The following MAST2 variants were observed in gnomAD, a reference collection of about 807,000 sequenced individuals.
MAST2 encodes microtubule-associated serine/threonine-protein kinase 2.
A neutral mutation model predicts 147.4 loss-of-function variants in MAST2; 70 were observed. That is an observed-to-expected ratio of 0.47 (90% CI 0.39 to 0.58). MAST2 has a LOEUF of 0.58. Ranked by LOEUF, MAST2 falls within the 20% of genes least tolerant of loss-of-function variation. MAST2 has a pLI of 0.00. For synonymous variants in MAST2, 869 were observed against 896.8 expected (o/e 0.97, Z 0.55); for missense variants, 2,080 against 2,302.3 (o/e 0.90, Z 1.98).
At chr1:45,966,737 A>G (rs1661270574) in intron 5 of MAST2, among the ~76,000 whole-genome samples, 1 of 152,096 alleles carries the variant, frequency 6.6e-6, no homozygotes, top group Non-Finnish European at 1.5e-5. Context: ...AAGAAAAAGA[A>G]AAACTCCCAG....
intron 3 of MAST2, among the ~76,000 whole-genome samples, chr1:45,837,905 AG>A: frequency 6.6e-6 from 1 of 152,094 alleles, no homozygotes. Context: ...CAGCCTCTCA[AG>A]TAGCTGAAAT....
chr1:45,998,841 C>T (rs888317600), intron 6 of MAST2, among the ~76,000 whole-genome samples: 1 of 151,998 alleles, frequency 6.6e-6, no homozygotes, highest in Non-Finnish European at 1.5e-5. Context: ...CATTCTCCTG[C>T]CTCAGCCTCC....
At chr1:45,910,416 A>G (rs1210470394) in intron 4 of MAST2, among the ~76,000 whole-genome samples, 1 of 152,220 alleles carries the variant, frequency 6.6e-6, no homozygotes, top group African/African-American at 2.4e-5. Flanking sequence ...TTGTAAGTAC[A>G]TATTTTTATA....
chr1:45,939,856 A>G (rs1037023499), intron 4 of MAST2, among the ~76,000 whole-genome samples: 6 of 151,956 alleles, frequency 3.9e-5, no homozygotes, highest in Admixed American at 2.6e-4. Context: ...TTCAATTTCT[A>G]CAAAAGACCT....
At chr1:45,843,652 G>C (rs746486591) in intron 3 of MAST2, among the ~76,000 whole-genome samples, 1 of 152,164 alleles carries the variant, frequency 6.6e-6, no homozygotes, top group Non-Finnish European at 1.5e-5. Flanking sequence ...TGAAAGGATA[G>C]ATAATGTTAG....
At chr1:45,960,712 A>G (rs1452818908) in intron 5 of MAST2, among the ~76,000 whole-genome samples, 2 of 152,018 alleles carry the variant, frequency 1.3e-5, no homozygotes, top group African/African-American at 4.8e-5. Flanking sequence ...TCATTGCTAC[A>G]CTCTTTATAA....
chr1:45,966,434 A>C (rs894585398), intron 5 of MAST2, among the ~76,000 whole-genome samples: 251 of 152,198 alleles, frequency 1.6e-3, no homozygotes, highest in Non-Finnish European at 1.9e-3. Context: ...AAAAAAAAAA[A>C]AAAAAAAACT....
At chr1:45,909,873 T>C (rs1025347722) in intron 4 of MAST2, among the ~76,000 whole-genome samples, 33 of 152,066 alleles carry the variant, frequency 2.2e-4, no homozygotes, top group African/African-American at 7.5e-4. Flanking sequence ...AGTGCAGTGG[T>C]GCCGTCTCGG....
intron 1 of MAST2, among the ~76,000 whole-genome samples, chr1:45,814,616 G>A (rs1027664144): frequency 6.6e-6 from 1 of 152,038 alleles, no homozygotes; most frequent in East Asian, 1.9e-4. Context: ...GCAAAACCCC[G>A]TCACTACTAA....
chr1:45,940,247 C>T (rs897208591), intron 4 of MAST2, among the ~76,000 whole-genome samples: 4 of 152,134 alleles, frequency 2.6e-5, no homozygotes, highest in Admixed American at 1.3e-4. Flanking sequence ...CCCGCCTCGG[C>T]CTCCCAAAGT....
chr1:45,992,532 A>C (rs1644891669), intron 5 of MAST2, among the ~76,000 whole-genome samples: 1 of 152,280 alleles, frequency 6.6e-6, no homozygotes, highest in South Asian at 2.1e-4. Context: ...TGGGTAATAG[A>C]GTAATACTGG....
Position 46,035,631 on chromosome 1 carries a change from C to T in MAST2, c.4962C>T (p.Ser1654=), listed in dbSNP as rs763460937. 1 of 1,613,956 alleles carries T rather than the reference C, an allele frequency of 6.2e-7. No individual in the cohort carries two copies. Among genetic ancestry groups the T allele is most frequent in the East Asian group, 2.2e-5 (1 of 44,842 alleles). Residue 1654 remains serine, a synonymous_variant, in exon 29 of 29, where the codon AGC becomes AGT. Transcript: ENST00000361297. The surrounding 1 kb of genome is among the most constrained non-coding windows in gnomAD (Gnocchi z 5.5). ...SPPSSTSGKL[S]MWSWKSLIEG... is the part of the protein sequence containing the mutation. ...CCAGCTCCACCTCTGGGAAGCTGAG[C>T]ATGTGGTCCTGGAAATCCCTTATTG...
At chr1:45,914,517 A>G (rs1652167245) in intron 4 of MAST2, among the ~76,000 whole-genome samples, 1 of 152,228 alleles carries the variant, frequency 6.6e-6, no homozygotes, top group Admixed American at 6.5e-5. Flanking sequence ...AGAACCAGTG[A>G]AAGAAGAGAC....
intron 5 of MAST2, among the ~76,000 whole-genome samples, chr1:45,996,591 A>T (rs946531911): frequency 1.3e-5 from 2 of 152,108 alleles, no homozygotes; most frequent in African/African-American, 4.8e-5. Flanking sequence ...TATTTTATGC[A>T]CCTGGGGGTG....
At chr1:45,929,300 G>C (rs1654902557) in intron 4 of MAST2, among the ~76,000 whole-genome samples, 1 of 152,074 alleles carries the variant, frequency 6.6e-6, no homozygotes, top group Non-Finnish European at 1.5e-5. Context: ...TCAGCCTAAA[G>C]CCTGAGTGTC....
intron 4 of MAST2, among the ~76,000 whole-genome samples, chr1:45,941,715 T>A (rs1354333862): frequency 6.6e-6 from 1 of 152,228 alleles, no homozygotes; most frequent in East Asian, 1.9e-4. Context: ...TTGCACTGGC[T>A]AGAACCTCTA....
chr1:46,013,688 A>T (rs1238770544), intron 10 of MAST2, among the ~76,000 whole-genome samples: 2 of 152,088 alleles, frequency 1.3e-5, no homozygotes, highest in Non-Finnish European at 2.9e-5. Flanking sequence ...CTCAAAAAAA[A>T]AAAAAAGAAA....
At chr1:45,968,779 TA>T (rs1643755000) in intron 5 of MAST2, among the ~76,000 whole-genome samples, 2 of 152,040 alleles carry the variant, frequency 1.3e-5, no homozygotes, top group Non-Finnish European at 2.9e-5. Flanking sequence ...TTGCTTCAAA[TA>T]ATTCCCTTCC....
intron 4 of MAST2, among the ~76,000 whole-genome samples, chr1:45,939,717 T>C (rs1193797208): frequency 6.6e-6 from 1 of 152,096 alleles, no homozygotes; most frequent in East Asian, 1.9e-4. Context: ...TTTTTTTGTA[T>C]TTTTCCTAGA....
Sources: gnomAD v4.1 joint callset for allele counts (sites outside exome capture counted in the v4.1 genomes callset) on GRCh38, gnomAD v4.1.1 for gene constraint, Gnocchi (gnomAD v3.1) non-coding constraint, MANE v1.5 for transcripts, NCBI Gene and HGNC (gene_info 2026-07-23, HGNC 2026-07-21) for gene names.